Variants in DNAH14 observed in about 807,000 individuals in gnomAD.
The protein encoded by DNAH14 is axonemal beta dynein heavy chain 14.
Under a neutral mutation model 520.9 loss-of-function variants are expected in DNAH14, and 478 were observed. The observed-to-expected ratio is 0.92, with a 90% CI of 0.85 to 0.99. DNAH14 has a LOEUF of 0.99. Among genes scored for constraint, DNAH14 ranks in the 50% least tolerant of loss-of-function variants. The pLI is 0.00. For synonymous variants in DNAH14, 1,581 were observed against 1,757.2 expected, an observed-to-expected ratio of 0.90 and a Z score of 2.51; for missense variants, 4,831 against 5,234.5, an observed-to-expected ratio of 0.92 and a Z score of 2.38.
chr1:225,168,003 T>C lies in DNAH14; in HGVS notation c.5510T>C (p.Ile1837Thr), dbSNP rs1380146188. 6.5e-7 allele frequency: 1 copy of C among 1,534,338 alleles called. No individual in the cohort carries two copies. Among genetic ancestry groups the C allele is most frequent in the Non-Finnish European group, 8.8e-7 (1 of 1,136,978 alleles). ...AACTGGTCATCTCAGAAAGAGAAGA[T>C]TATACAGTTTTATAATCAACTTCAG... ...LQNWSSQKEK[I>T]IQFYNQLQVC... Residue 1837 changes from isoleucine (I) to threonine (T), a missense_variant, in exon 36 of 86, where the codon ATT becomes ACT. Transcript: ENST00000682510.
At chr1:224,997,304 C>G (rs189829964) in intron 8 of DNAH14, among the ~76,000 whole-genome samples, 26 of 150,300 alleles carry the variant, frequency 1.7e-4, no homozygotes, top group African/African-American at 6.3e-4. Flanking sequence ...GTTTTCTATT[C>G]TATTTTCCCA....
intron 1 of DNAH14, among the ~76,000 whole-genome samples, chr1:224,934,253 C>G (rs900125502): frequency 6.6e-6 from 1 of 151,774 alleles, no homozygotes; most frequent in East Asian, 1.9e-4. Flanking sequence ...CAGTGACATA[C>G]AAGAGGATTG....
At chr1:225,163,331 A>G (rs1341894687) in intron 35 of DNAH14, among the ~76,000 whole-genome samples, 3 of 151,994 alleles carry the variant, frequency 2.0e-5, no homozygotes, top group Admixed American at 6.5e-5. Flanking sequence ...CTTCCTTTCC[A>G]GTTTGGATGC....
intron 27 of DNAH14, among the ~76,000 whole-genome samples, chr1:225,140,218 C>G (rs1439079983): frequency 6.6e-6 from 1 of 152,134 alleles, no homozygotes; most frequent in Non-Finnish European, 1.5e-5. Context: ...ACAATTTACC[C>G]AATGTAAAGC....
At chr1:225,283,966 A>G (rs1396847508) in intron 54 of DNAH14, among the ~76,000 whole-genome samples, 1 of 152,160 alleles carries the variant, frequency 6.6e-6, no homozygotes, top group Non-Finnish European at 1.5e-5. Flanking sequence ...ATTAGAAAAT[A>G]CTTTGAGATA....
At chr1:225,009,262 A>T (rs1288661554) in intron 10 of DNAH14, among the ~76,000 whole-genome samples, 1 of 152,148 alleles carries the variant, frequency 6.6e-6, no homozygotes, top group African/African-American at 2.4e-5. Flanking sequence ...CCTTTAATCT[A>T]TCTTGAGTTA....
chr1:225,335,593 A>G (rs1186309829), intron 66 of DNAH14, among the ~76,000 whole-genome samples: 1 of 148,994 alleles, frequency 6.7e-6, no homozygotes, highest in Non-Finnish European at 1.5e-5. Context: ...GCATATATGT[A>G]TATACGCATA....
chr1:225,129,914 A>G (rs1173400428), intron 27 of DNAH14, among the ~76,000 whole-genome samples: 1 of 152,160 alleles, frequency 6.6e-6, no homozygotes, highest in Non-Finnish European at 1.5e-5. Flanking sequence ...TTTGCAACCT[A>G]CTCATCAGAC....
rs1256276800 is a variant in DNAH14, at chr1:225,340,701, G to A, written c.10678G>A (p.Gly3560Arg). 6.4e-6 allele frequency: 10 copies of A among 1,550,452 alleles called. No homozygotes were observed. The highest frequency in any genetic ancestry group is 1.7e-4 in the Middle Eastern group (1 of 5,978). ...KTLNLLQKAL[G>R]SILDDDKIVD... is the part of the protein sequence containing the mutation. The stretch of plus-strand genomic sequence containing the variant: ...ATTAAATTTACTGCAGAAAGCACTA[G>A]GTAAGTCAAGATATTTAGTGATAGT... Residue 3560 changes from glycine (G) to arginine (R), a missense_variant and splice_region_variant, in exon 69 of 86, where the codon GGA (glycine) becomes AGA (arginine). Gly to Arg is a moderately radical substitution (Grantham distance 125). Transcript: ENST00000682510.
intron 42 of DNAH14, among the ~76,000 whole-genome samples, chr1:225,233,326 A>G (rs2091296423): frequency 6.6e-6 from 1 of 152,158 alleles, no homozygotes; most frequent in Non-Finnish European, 1.5e-5. Flanking sequence ...TATACCCAGT[A>G]ATGGGATTGC....
In DNAH14 at chr1:225,262,580, C is replaced by T. The variant is rs565263557; in HGVS notation, c.7158-1617C>T. Reference sequence around the variant, plus strand: ...ATATGATGTGGCTATCCAATTTTCCCAGCACCATTTTTGAATAGAGTGTAT... The same window carrying T: ...ATATGATGTGGCTATCCAATTTTCCTAGCACCATTTTTGAATAGAGTGTAT... On this transcript the variant is annotated intron_variant, in intron 46 of 85. Transcript: ENST00000682510. Among the ~76,000 whole-genome samples the T allele has an allele frequency of 2.0e-4, 31 of 152,116 alleles. 1 individual carries two copies. The South Asian group carries it at 6.4e-3, about 32-fold the overall frequency.
chr1:225,131,468 C>CT (rs1281915027), intron 27 of DNAH14, among the ~76,000 whole-genome samples: 1 of 152,134 alleles, frequency 6.6e-6, no homozygotes, highest in African/African-American at 2.4e-5. Flanking sequence ...TCTGACTATT[C>CT]TTCAGTAGTC....
At chr1:225,003,623 G>A in intron 9 of DNAH14, among the ~76,000 whole-genome samples, 1 of 152,040 alleles carries the variant, frequency 6.6e-6, no homozygotes, top group East Asian at 1.9e-4. Flanking sequence ...TTGATTATGT[G>A]TAATGACAGA....
chr1:225,106,132 C>A (rs1342925457), intron 23 of DNAH14, among the ~76,000 whole-genome samples: 4 of 150,086 alleles, frequency 2.7e-5, no homozygotes, highest in Non-Finnish European at 5.9e-5. Flanking sequence ...ATTTCTCCTT[C>A]ACTTATGGAG....
At chr1:225,115,563 C>T (rs993673749) in intron 23 of DNAH14, among the ~76,000 whole-genome samples, 1 of 152,134 alleles carries the variant, frequency 6.6e-6, no homozygotes. Flanking sequence ...CCCTCCAAAA[C>T]AACTATAGGC....
chr1:225,007,597 C>T (rs2064282044), intron 10 of DNAH14, 53 bp downstream of exon 10: 3 of 1,375,844 alleles, frequency 2.2e-6, no homozygotes, highest in Non-Finnish European at 2.9e-6. Flanking sequence ...CTAGCTGAAG[C>T]AATTGATCCA....
intron 28 of DNAH14, 79 bp from the exon 29 acceptor site, chr1:225,144,318 C>T: frequency 2.7e-6 from 3 of 1,104,034 alleles, no homozygotes; most frequent in Non-Finnish European, 2.6e-6. Flanking sequence ...CATTTTTAAT[C>T]TTGATTCTTT....
intron 77 of DNAH14, among the ~76,000 whole-genome samples, chr1:225,368,545 A>C (rs75074233): frequency 0.01 from 1,547 of 152,202 alleles, 26 homozygotes; most frequent in African/African-American, 0.035. Flanking sequence ...AGAACCTTCT[A>C]TTTGTGCTTT....
chr1:224,960,396 A>G (rs2060772495), intron 4 of DNAH14, 94 bp downstream of exon 4: 13 of 1,289,916 alleles, frequency 1.0e-5, no homozygotes, highest in Non-Finnish European at 1.3e-5. Flanking sequence ...CTGACTTTAG[A>G]AAAAACAGTC....
Sources: gnomAD v4.1 joint callset for allele counts (sites outside exome capture counted in the v4.1 genomes callset) on GRCh38, gnomAD v4.1.1 for gene constraint, MANE v1.5 for transcripts, NCBI Gene and HGNC (gene_info 2026-07-23, HGNC 2026-07-21) for gene names.